The following SOX5 variants were observed in gnomAD, a reference collection of about 807,000 sequenced individuals.
The protein encoded by SOX5 is SRY-box transcription factor 5, also known as transcription factor SOX-5.
SOX5 carries 9 observed loss-of-function variants against 92.0 expected under a neutral mutation model. That is an observed-to-expected ratio of 0.10 (90% CI 0.06 to 0.17). The LOEUF is 0.17. Among genes scored for constraint, SOX5 ranks in the 10% least tolerant of loss-of-function variants. The pLI is 1.00. For synonymous variants in SOX5, 344 were observed against 336.3 expected (o/e 1.02, Z -0.25); for missense variants, 642 against 944.5 (o/e 0.68, Z 4.20).
At chr12:23,878,378 A>G (rs1230531796) in intron 2 of SOX5, among the ~76,000 whole-genome samples, 2 of 152,002 alleles carry the variant, frequency 1.3e-5, no homozygotes, top group East Asian at 3.8e-4. Flanking sequence ...TTTCCTTTCT[A>G]GACTTCAGTA....
At chr12:23,746,793 T>C (rs1464952371) in intron 4 of SOX5, among the ~76,000 whole-genome samples, 3 of 152,076 alleles carry the variant, frequency 2.0e-5, no homozygotes, top group African/African-American at 7.2e-5. Context: ...CCAAATCTCA[T>C]CTTGAATTTA....
intron 4 of SOX5, among the ~76,000 whole-genome samples, chr12:24,029,516 C>T (rs761417122): frequency 1.3e-5 from 2 of 151,738 alleles, no homozygotes; most frequent in Non-Finnish European, 2.9e-5. Flanking sequence ...CTCAAGCGAT[C>T]CCCCCACTTC....
At chr12:24,176,329 G>C in intron 4 of SOX5, among the ~76,000 whole-genome samples, 1 of 151,716 alleles carries the variant, frequency 6.6e-6, no homozygotes, top group East Asian at 1.9e-4. Context: ...ACCCTGTTTT[G>C]GGGAAGAAAA....
At chr12:24,129,570 G>A (rs535084304) in intron 4 of SOX5, among the ~76,000 whole-genome samples, 1 of 152,250 alleles carries the variant, frequency 6.6e-6, no homozygotes, top group Admixed American at 6.5e-5. Context: ...TTTTTTAATT[G>A]CACATGGAGG....
At chr12:23,637,028 G>C (rs1004629974) in intron 8 of SOX5, among the ~76,000 whole-genome samples, 2 of 152,130 alleles carry the variant, frequency 1.3e-5, no homozygotes, top group Non-Finnish European at 2.9e-5. Context: ...CCATAACCAT[G>C]GGTGATATTA....
intron 1 of SOX5, among the ~76,000 whole-genome samples, chr12:24,449,530 A>C (rs1596777400): frequency 6.6e-6 from 1 of 152,176 alleles, no homozygotes; most frequent in East Asian, 1.9e-4. Flanking sequence ...TGACATTTTC[A>C]TGTCGCTTTG....
In SOX5 at chr12:23,815,518, T is replaced by C. The variant is rs555891662; in HGVS notation, c.481+30465A>G. Among the ~76,000 whole-genome samples the C allele has an allele frequency of 2.6e-5, 4 of 152,340 alleles. No individual in the cohort carries two copies. In the South Asian group the frequency reaches 8.3e-4, roughly 32 times the overall value. ...AGGTCCATATGTCTTAAATGGTCCA[T>C]TGACTTAATAAAAACATTGATAGCT... On this transcript the variant is annotated intron_variant, in intron 3 of 14. Coordinates refer to ENST00000451604, the MANE Select transcript of SOX5 (RefSeq NM_006940.6).
chr12:23,591,654 C>A (rs1187758477), intron 9 of SOX5, among the ~76,000 whole-genome samples: 1 of 152,102 alleles, frequency 6.6e-6, no homozygotes, highest in Non-Finnish European at 1.5e-5. Context: ...CATCATTTGA[C>A]CCAAAATTCT....
intron 3 of SOX5, among the ~76,000 whole-genome samples, chr12:24,250,638 T>A (rs920725573): frequency 6.6e-6 from 1 of 152,240 alleles, no homozygotes; most frequent in African/African-American, 2.4e-5. Flanking sequence ...ACGTGGACAA[T>A]TGAGTTTTTC....
chr12:24,104,170 G>A (rs1214818826), intron 4 of SOX5, among the ~76,000 whole-genome samples: 1 of 152,012 alleles, frequency 6.6e-6, no homozygotes, highest in Non-Finnish European at 1.5e-5. Flanking sequence ...GAAAGTTTAT[G>A]GAATGTATGT....
At chr12:23,649,800 T>C (rs2081324469) in intron 7 of SOX5, among the ~76,000 whole-genome samples, 1 of 152,130 alleles carries the variant, frequency 6.6e-6, no homozygotes, top group Non-Finnish European at 1.5e-5. Flanking sequence ...GAAGAATTCA[T>C]CTCTATACTG....
chr12:24,000,419 G>T (rs1179724374), intron 4 of SOX5, among the ~76,000 whole-genome samples: 1 of 151,682 alleles, frequency 6.6e-6, no homozygotes, highest in African/African-American at 2.4e-5. Flanking sequence ...CACAAGTGGG[G>T]GAAAGATTGA....
At chr12:23,697,243 T>C (rs2090006654) in intron 6 of SOX5, among the ~76,000 whole-genome samples, 1 of 152,206 alleles carries the variant, frequency 6.6e-6, no homozygotes, top group Admixed American at 6.5e-5. Flanking sequence ...TTTGAAGCTC[T>C]ACTATTAGTT....
intron 3 of SOX5, among the ~76,000 whole-genome samples, chr12:24,238,896 G>C (rs912254210): frequency 6.6e-6 from 1 of 152,144 alleles, no homozygotes; most frequent in Non-Finnish European, 1.5e-5. Flanking sequence ...CAATAGAAAG[G>C]CTTAATCACA....
intron 4 of SOX5, among the ~76,000 whole-genome samples, chr12:24,077,870 C>T (rs1470617148): frequency 6.7e-6 from 1 of 148,374 alleles, no homozygotes; most frequent in Non-Finnish European, 1.5e-5. Context: ...CTTAACAACA[C>T]ACCCATAGCA....
intron 4 of SOX5, among the ~76,000 whole-genome samples, chr12:24,202,369 G>A (rs558263796): frequency 5.3e-4 from 81 of 152,144 alleles, no homozygotes; most frequent in Non-Finnish European, 1.1e-3. Context: ...AATAATTTCA[G>A]GCTTAAAAAA....
chr12:23,548,446 A>C (rs370900899), intron 11 of SOX5, among the ~76,000 whole-genome samples: 2 of 152,192 alleles, frequency 1.3e-5, no homozygotes. Flanking sequence ...TATGCTTCTC[A>C]AGAGGACGTC....
At chr12:24,329,338 T>C (rs1186184201) in intron 2 of SOX5, among the ~76,000 whole-genome samples, 1 of 152,240 alleles carries the variant, frequency 6.6e-6, no homozygotes, top group Non-Finnish European at 1.5e-5. Flanking sequence ...GGAAGGTATG[T>C]CTTACATGGC....
intron 4 of SOX5, among the ~76,000 whole-genome samples, chr12:23,980,239 A>G (rs2136154578): frequency 6.6e-6 from 1 of 152,296 alleles, no homozygotes; most frequent in African/African-American, 2.4e-5. Flanking sequence ...CTAAATAGTA[A>G]GTAAACTAAG....
Sources: allele counts gnomAD v4.1 joint callset (sites outside exome capture counted in the v4.1 genomes callset), GRCh38; gene constraint gnomAD v4.1.1; transcripts MANE v1.5; gene names NCBI Gene and HGNC (gene_info 2026-07-23, HGNC 2026-07-21).